The following JAK2 variants were observed in gnomAD, a reference collection of about 807,000 sequenced individuals.
JAK2 encodes tyrosine-protein kinase JAK2.
A neutral mutation model predicts 139.3 loss-of-function variants in JAK2; 86 were observed. The observed-to-expected ratio is 0.62, with a 90% confidence interval of 0.52 to 0.74. The LOEUF is 0.74. Ranked by LOEUF, JAK2 falls within the 30% of genes least tolerant of loss-of-function variation. The pLI, the probability that JAK2 is intolerant of heterozygous loss-of-function variation, is 0.00. For missense variants in JAK2, 1,421 were observed against 1,360.3 expected (o/e 1.04, Z -0.70); for synonymous variants, 490 against 437.7 (o/e 1.12, Z -1.49).
rs199931451 is a variant in JAK2 at position 5,072,588 on chromosome 9, T to C, written c.1738T>C (p.Leu580=). 3.9e-5 allele frequency: 62 copies of C among 1,610,270 alleles called. No individual in the cohort carries two copies. The highest frequency in any genetic ancestry group is 5.3e-5 in the African/African-American group (4 of 74,798). Reference sequence around the variant, plus strand: ...TCAACTGCATGAAACAGAAGTTCTTTTAAAAGTTCTGGATAAAGCACACAG... The same window carrying C: ...TCAACTGCATGAAACAGAAGTTCTTCTAAAAGTTCTGGATAAAGCACACAG... ...YGQLHETEVL[L]KVLDKAHRNY... The change falls in exon 13 of 25, where the codon TTA becomes CTA. Residue 580 remains leucine (L), a synonymous_variant. Transcript: ENST00000381652.
intron 22 of JAK2, chr9:5,097,613 T>C (rs1821105943): frequency 6.6e-6 from 1 of 150,396 alleles, no homozygotes; most frequent in South Asian, 2.1e-4. Context: ...CCTACTGGCA[T>C]CAAGGTCTTT....
intron 3 of JAK2, 69 bp from the exon 4 acceptor site, chr9:5,029,714 A>G: frequency 7.3e-7 from 1 of 1,363,494 alleles, no homozygotes; most frequent in Middle Eastern, 1.9e-4. Flanking sequence ...TTCATTTCAA[A>G]TTATAGGTGC....
chr9:5,004,622 T>C (rs1821151683), intron 2 of JAK2, among the ~76,000 whole-genome samples: 1 of 152,064 alleles, frequency 6.6e-6, no homozygotes, highest in African/African-American at 2.4e-5. Flanking sequence ...TGCTTTGACA[T>C]ATTATTTTTA....
In JAK2 at chr9:5,126,867, T is replaced by C; in HGVS notation, c.*76T>C. ...TATATTTCACATTGCTGTGGACTAT[T>C]ATTACATATATCATTATTATATAAA... On this transcript the variant is annotated 3_prime_UTR_variant, in exon 25 of 25. Coordinates refer to ENST00000381652, the MANE Select transcript of JAK2 (RefSeq NM_004972.4). 1.4e-6 allele frequency: 1 copy of C among 738,734 alleles called. No homozygotes were observed. The highest frequency in any genetic ancestry group is 1.8e-5 in the South Asian group (1 of 54,920). The allele number at this position is 738,734 out of a possible 1,614,324, so 45.8% of individuals were successfully genotyped here.
chr9:5,119,773 G>T (rs1348021677), intron 22 of JAK2, among the ~76,000 whole-genome samples: 1 of 152,052 alleles, frequency 6.6e-6, no homozygotes, highest in African/African-American at 2.4e-5. Flanking sequence ...TTTTCCTCAT[G>T]ATCAAAATTT....
At chr9:5,002,722 G>T (rs1260064370) in intron 2 of JAK2, among the ~76,000 whole-genome samples, 2 of 151,790 alleles carry the variant, frequency 1.3e-5, no homozygotes, top group Admixed American at 6.6e-5. Flanking sequence ...AATGAGTATT[G>T]AAATTTTTAG....
intron 7 of JAK2, 111 bp from the exon 8 acceptor site, chr9:5,055,558 A>G: frequency 6.1e-6 from 5 of 814,292 alleles, no homozygotes; most frequent in Non-Finnish European, 9.4e-6. Context: ...ATTGTTATCA[A>G]TACCTTTTTT....
chr9:5,034,455 A>G (rs1218522494), intron 4 of JAK2, among the ~76,000 whole-genome samples: 8 of 152,110 alleles, frequency 5.3e-5, no homozygotes, highest in Non-Finnish European at 1.0e-4. Context: ...GCACCACACC[A>G]CACCTATTCC....
chr9:5,016,468 A>G (rs1316340027), intron 2 of JAK2, among the ~76,000 whole-genome samples: 1 of 152,244 alleles, frequency 6.6e-6, no homozygotes, highest in Non-Finnish European at 1.5e-5. Context: ...TGCAAAATAT[A>G]TGAAGAAATG....
intron 22 of JAK2, among the ~76,000 whole-genome samples, chr9:5,095,354 T>A (rs1820908314): frequency 6.6e-6 from 1 of 151,950 alleles, no homozygotes; most frequent in Non-Finnish European, 1.5e-5. Flanking sequence ...CTTACCCCCA[T>A]CTTGATTAAA....
At chr9:5,121,493 C>T (rs1564025711) in intron 22 of JAK2, among the ~76,000 whole-genome samples, 1 of 152,214 alleles carries the variant, frequency 6.6e-6, no homozygotes, top group East Asian at 1.9e-4. Context: ...AGTTTTGCAG[C>T]TTGGAAGGAG....
chr9:5,064,146 ACT>A (rs1305046676), intron 8 of JAK2, among the ~76,000 whole-genome samples: 3 of 151,786 alleles, frequency 2.0e-5, no homozygotes, highest in Admixed American at 6.5e-5. Context: ...ACAGAGCAAG[ACT>A]CTGACTGGGC....
chr9:5,064,723 C>T (rs971569267), intron 8 of JAK2, among the ~76,000 whole-genome samples, 160 bp from the exon 9 acceptor site: 1 of 152,044 alleles, frequency 6.6e-6, no homozygotes, highest in Admixed American at 6.6e-5. Flanking sequence ...TCTTAAATAT[C>T]AGACATGAGA....
At chr9:5,118,378 A>G (rs1310049370) in intron 22 of JAK2, among the ~76,000 whole-genome samples, 1 of 152,172 alleles carries the variant, frequency 6.6e-6, no homozygotes, top group Non-Finnish European at 1.5e-5. Flanking sequence ...TGTAACCAAG[A>G]TATGTATATA....
At chr9:5,085,081 G>A in intron 19 of JAK2, 1 of 673,640 alleles carries the variant, frequency 1.5e-6, no homozygotes, top group South Asian at 1.4e-5. Flanking sequence ...CTCTCTTATT[G>A]CTTCATGGCA....
intron 2 of JAK2, among the ~76,000 whole-genome samples, chr9:4,997,333 A>G (rs10123976): frequency 1.1e-4 from 17 of 152,052 alleles, no homozygotes; most frequent in African/African-American, 4.1e-4. Context: ...GCTTACAAGC[A>G]TGGGGCTGAC....
chr9:5,057,316 A>G (rs938822796), intron 8 of JAK2, among the ~76,000 whole-genome samples: 20 of 152,044 alleles, frequency 1.3e-4, no homozygotes, highest in Non-Finnish European at 2.5e-4. Flanking sequence ...CCAGTGTATT[A>G]TGTGTTAGTA....
chr9:5,059,255 C>T (rs139134551), intron 8 of JAK2, among the ~76,000 whole-genome samples: 2 of 152,120 alleles, frequency 1.3e-5, no homozygotes, highest in African/African-American at 4.8e-5. Context: ...ACTTAAGATA[C>T]CTATCATCTA....
In JAK2 at chr9:5,127,909, T is replaced by C. The variant is rs564550648; in HGVS notation, c.*1118T>C. On this transcript the variant is annotated 3_prime_UTR_variant, in exon 25 of 25. Coordinates refer to ENST00000381652, the MANE Select transcript of JAK2 (RefSeq NM_004972.4). ...AGGTAAATAAGTAAAAAAGTATGCT[T>C]GTTAATTTTATTCAAGAATGCCAGT... The C allele has an allele frequency of 1.5e-3, 354 of 232,474 alleles. 2 individuals carry two copies. The highest frequency in any genetic ancestry group is 4.0e-3 in the South Asian group (22 of 5,518). The allele number at this position is 232,474 out of a possible 1,614,324, so 14.4% of individuals were successfully genotyped here. A position where few individuals can be genotyped will look rare whatever the true frequency, so the allele number is the denominator to read the frequency against.
Sources: allele counts gnomAD v4.1 joint callset (sites outside exome capture counted in the v4.1 genomes callset), GRCh38; gene constraint gnomAD v4.1.1; transcripts MANE v1.5; gene names NCBI Gene and HGNC (gene_info 2026-07-23, HGNC 2026-07-21).